Variants in FXYD4 observed in about 807,000 individuals in gnomAD.
FXYD4 encodes FXYD domain containing ion transport regulator 4.
A neutral mutation model predicts 18.3 loss-of-function variants in FXYD4; 14 were observed. That is an observed-to-expected ratio of 0.77 (90% CI 0.51 to 1.20). FXYD4 has a LOEUF of 1.20. FXYD4 is among the 50% of genes most tolerant of loss of function. The pLI is 0.00. For synonymous variants in FXYD4, 40 were observed against 40.5 expected (o/e 0.99, Z 0.04); for missense variants, 99 against 106.1 (o/e 0.93, Z 0.29).
At chr10:43,376,111 G>T in intron 8 of FXYD4, 36 bp from the exon 9 acceptor site, 1 of 1,614,020 alleles carries the variant, frequency 6.2e-7, no homozygotes, top group African/African-American at 1.3e-5. Context: ...TCTGTGTAAG[G>T]ACTGTGTCTG....
chr10:43,372,214 C>T (rs999218912), intron 1 of FXYD4, among the ~76,000 whole-genome samples: 5 of 152,096 alleles, frequency 3.3e-5, no homozygotes, highest in African/African-American at 1.2e-4. Context: ...TGTTCAGAAG[C>T]AGTGCCTAAC....
chr10:43,372,435 T>A (rs1051997598), intron 1 of FXYD4, among the ~76,000 whole-genome samples: 3 of 152,072 alleles, frequency 2.0e-5, no homozygotes, highest in African/African-American at 7.2e-5. Context: ...CAGGCGCCTG[T>A]CACCACACTC....
rs368423127 is a variant in FXYD4, at chr10:43,373,736, C to T, written c.-11C>T. 6.9e-6 allele frequency: 11 copies of T among 1,597,894 alleles called. No homozygotes were observed. Among genetic ancestry groups the T allele is most frequent in the Middle Eastern group, 1.7e-4 (1 of 6,032 alleles). On this transcript the variant is annotated 5_prime_UTR_variant, in exon 3 of 9. Coordinates refer to ENST00000476166, the MANE Select transcript of FXYD4 (RefSeq NM_173160.3). ...CCTCTCCCCCTGCAGCCCTGCCCCTCGAACTGTGACATGGAGAGAGTGACC... is the reference window on the plus strand; with the variant it reads ...CCTCTCCCCCTGCAGCCCTGCCCCTTGAACTGTGACATGGAGAGAGTGACC...
intron 2 of FXYD4, 93 bp from the exon 3 acceptor site, chr10:43,373,422 G>T: frequency 2.7e-6 from 1 of 366,720 alleles, no homozygotes. Flanking sequence ...TTTGTCGCAT[G>T]GATTTTAACA....
chr10:43,372,515 C>T (rs560497090), intron 1 of FXYD4, among the ~76,000 whole-genome samples: 1 of 152,236 alleles, frequency 6.6e-6, no homozygotes. Flanking sequence ...GAACTCCTGA[C>T]CTCAGGTGAT....
intron 3 of FXYD4, among the ~76,000 whole-genome samples, chr10:43,374,264 T>C (rs548936417): frequency 1.3e-5 from 2 of 152,318 alleles, no homozygotes; most frequent in Non-Finnish European, 2.9e-5. Flanking sequence ...CCAGTCAGCA[T>C]GCACACAGGA....
chr10:43,375,375 T>C, intron 5 of FXYD4, 124 bp from the exon 6 acceptor site: 1 of 721,640 alleles, frequency 1.4e-6, no homozygotes, highest in South Asian at 1.6e-5. Flanking sequence ...GAATGATGCC[T>C]CTGTTGCTGG....
In FXYD4 at chr10:43,375,883, G is replaced by A. The variant is rs962197180; in HGVS notation, c.212+149G>A. On this transcript the variant is annotated intron_variant, in intron 7 of 8. Coordinates refer to ENST00000476166, the MANE Select transcript of FXYD4 (RefSeq NM_173160.3). ...AGTCAACCCTGAAGGGCCCCAGTCA[G>A]GAAAGCTCTGACCTCGGTATTGTGG... is the stretch of plus-strand genomic sequence containing the variant. 19 of 1,214,464 alleles carry A rather than the reference G, an allele frequency of 1.6e-5. No homozygotes were observed. The Middle Eastern group carries it at 5.9e-4, about 38-fold the overall frequency. The allele number at this position is 1,214,464 out of a possible 1,614,324, so 75.2% of individuals were successfully genotyped here. A position where few individuals can be genotyped will look rare whatever the true frequency, so the allele number is the denominator to read the frequency against.
intron 5 of FXYD4, 23 bp downstream of exon 5, chr10:43,374,662 C>T (rs201209655): frequency 6.3e-7 from 1 of 1,595,462 alleles, no homozygotes; most frequent in Non-Finnish European, 8.6e-7. Flanking sequence ...ATTCCCACCC[C>T]CACCCTACCC....
intron 5 of FXYD4, among the ~76,000 whole-genome samples, chr10:43,375,183 C>T (rs554363324): frequency 1.3e-4 from 19 of 151,852 alleles, no homozygotes; most frequent in Non-Finnish European, 2.4e-4. Context: ...CCTGCCGCCA[C>T]GCCTAGCTAA....
Position 43,376,332 on chromosome 10 carries a change from C to G in FXYD4, c.*166C>G, listed in dbSNP as rs1045618446. On this transcript the variant is annotated 3_prime_UTR_variant, in exon 9 of 9. Transcript: ENST00000476166. Reference sequence around the variant, plus strand: ...ATGAATTAAACTCGCCCCACCACCCCCTCCTCGGTAGTCTTGTGATCCATC... The same window carrying G: ...ATGAATTAAACTCGCCCCACCACCCGCTCCTCGGTAGTCTTGTGATCCATC... The G allele has an allele frequency of 1.6e-5, 11 of 682,264 alleles. No homozygotes were observed. Among genetic ancestry groups the G allele is most frequent in the South Asian group, 6.8e-5 (4 of 58,570 alleles). 42.3% of individuals were successfully genotyped at this position (682,264 alleles called of 1,614,324 possible).
rs1258381206 is a variant in FXYD4 at position 43,375,705 on chromosome 10, C to G, written c.183C>G (p.Cys61Trp). 1 of 1,614,046 alleles carries G rather than the reference C, an allele frequency of 6.2e-7. No homozygotes were observed. Among genetic ancestry groups the G allele is most frequent in the African/African-American group, 1.3e-5 (1 of 74,920 alleles). The part of the protein sequence containing the change: ...AGIAAVLSGK[C>W]KCKSSQKQHS... ...CTCTCTCTCTCCCAGGTGGCAAATG[C>G]AAATGCAAGAGCAGCCAGAAGCAGC... The change falls in exon 7 of 9, where the codon TGC (cysteine) becomes TGG (tryptophan). Residue 61 changes from cysteine (C) to tryptophan (W), a missense_variant. Cys to Trp is a radical substitution (Grantham distance 215, BLOSUM62 -2). Coordinates refer to ENST00000476166, the MANE Select transcript of FXYD4 (RefSeq NM_173160.3).
At position 43,375,501 on chromosome 10, in the gene FXYD4, T is replaced by C; in HGVS notation, c.100T>C (p.Trp34Arg). The change falls in exon 6 of 9, where the codon TGG becomes CGG. Residue 34 changes from tryptophan to arginine, a missense_variant and splice_region_variant. Physicochemically the swap from Trp to Arg is moderately radical, Grantham distance 101. Coordinates refer to ENST00000476166, the MANE Select transcript of FXYD4 (RefSeq NM_173160.3). ...ANKDDPFYYD[W>R]KNLQLSGLIC... ...CTCACTCTCTGTACCCACCCCAGACTGGAAAAACCTGCAGCTGAGCGGACT... is the reference window on the plus strand; with the variant it reads ...CTCACTCTCTGTACCCACCCCAGACCGGAAAAACCTGCAGCTGAGCGGACT... 1.2e-6 allele frequency: 2 copies of C among 1,613,574 alleles called. No homozygotes were observed. The highest frequency in any genetic ancestry group is 1.3e-5 in the African/African-American group (1 of 74,980).
chr10:43,373,698 C>G lies in FXYD4; in HGVS notation c.-49C>G, dbSNP rs772578602. On this transcript the variant is annotated 5_prime_UTR_variant, in exon 3 of 9. Coordinates refer to ENST00000476166, the MANE Select transcript of FXYD4 (RefSeq NM_173160.3). Reference sequence around the variant, plus strand: ...TGGAGCAGATCCGTGGGCTGCAGACCCCCGCCCCAGTGCCTCTCCCCCTGC... The same window carrying G: ...TGGAGCAGATCCGTGGGCTGCAGACGCCCGCCCCAGTGCCTCTCCCCCTGC... 1 of 1,127,154 alleles carries G rather than the reference C, an allele frequency of 8.9e-7. No individual in the cohort carries two copies. The highest frequency in any genetic ancestry group is 1.5e-5 in the African/African-American group (1 of 65,928). 69.8% of individuals were successfully genotyped at this position (1,127,154 alleles called of 1,614,324 possible).
intron 5 of FXYD4, among the ~76,000 whole-genome samples, chr10:43,374,876 C>G (rs1358439510): frequency 2.0e-5 from 3 of 151,938 alleles, no homozygotes; most frequent in Non-Finnish European, 2.9e-5. Flanking sequence ...CACCCCTACC[C>G]TCTTGCCTTC....
intron 5 of FXYD4, among the ~76,000 whole-genome samples, chr10:43,374,915 C>T (rs759381811): frequency 2.6e-5 from 4 of 152,054 alleles, no homozygotes; most frequent in African/African-American, 4.8e-5. Flanking sequence ...TTTCCCTAGT[C>T]CCCAGCCCTC....
At chr10:43,373,932 A>G (rs1837837929) in intron 3 of FXYD4, 149 bp downstream of exon 3, 1 of 736,710 alleles carries the variant, frequency 1.4e-6, no homozygotes. Flanking sequence ...GAAGGAAATG[A>G]CAGTACAGGT....
At chr10:43,373,926 G>A in intron 3 of FXYD4, 143 bp downstream of exon 3, 1 of 745,506 alleles carries the variant, frequency 1.3e-6, no homozygotes, top group Middle Eastern at 2.3e-4. Context: ...AAACATGAAG[G>A]AAATGACAGT....
At position 43,376,157 on chromosome 10, in the gene FXYD4, T is replaced by C; in HGVS notation, c.261T>C (p.Thr87=). Residue 87 remains threonine, a synonymous_variant, in exon 9 of 9, where the codon ACT becomes ACC. Transcript: ENST00000476166. ...AIPLITPGSA[T]TC ...CGCCACTCTCCGCAGGCTCTGCCAC[T>C]ACTTGCTGAGCACAGGACTGGCCTC... The C allele has an allele frequency of 1.9e-6, 3 of 1,613,850 alleles. No individual in the cohort carries two copies. Among genetic ancestry groups the C allele is most frequent in the Non-Finnish European group, 2.5e-6 (3 of 1,179,984 alleles).
Sources: allele counts gnomAD v4.1 joint callset (sites outside exome capture counted in the v4.1 genomes callset), GRCh38; gene constraint gnomAD v4.1.1; transcripts MANE v1.5; gene names NCBI Gene and HGNC (gene_info 2026-07-23, HGNC 2026-07-21).